Variants in JPH3 observed in about 807,000 individuals in gnomAD.
The protein encoded by JPH3 is junctophilin 3.
A neutral mutation model predicts 59.6 loss-of-function variants in JPH3; 11 were observed. The ratio of observed to expected loss-of-function variants is 0.18; its 90% confidence interval spans 0.12 to 0.31. The LOEUF is 0.31. JPH3 is among the 10% of genes least tolerant of loss of function. The pLI, the probability that JPH3 is intolerant of heterozygous loss-of-function variation, is 1.00. For missense variants in JPH3, 1,202 were observed against 1,105.7 expected (o/e 1.09, Z -1.24); for synonymous variants, 673 against 483.6 (o/e 1.39, Z -5.14).
intron 1 of JPH3, among the ~76,000 whole-genome samples, chr16:87,641,247 C>A (rs141696958): frequency 6.6e-6 from 1 of 152,298 alleles, no homozygotes; most frequent in Non-Finnish European, 1.5e-5. Flanking sequence ...TCTTGGCATC[C>A]TGTAGGAGAA....
chr16:87,659,386 AG>A (rs1318155576), intron 2 of JPH3, among the ~76,000 whole-genome samples: 27,566 of 114,306 alleles, frequency 0.24, 5,434 homozygotes, highest in South Asian at 0.43. Context: ...AAAAAAAAAA[AG>A]AAAAAAAAAA....
chr16:87,677,855 C>T (rs977731772), intron 2 of JPH3, among the ~76,000 whole-genome samples: 5 of 152,328 alleles, frequency 3.3e-5, no homozygotes, highest in African/African-American at 4.8e-5. Flanking sequence ...GAGGTAAAGC[C>T]GGAGGCCTGA....
intron 2 of JPH3, among the ~76,000 whole-genome samples, chr16:87,657,435 T>G (rs1387447733): frequency 6.6e-6 from 1 of 152,100 alleles, no homozygotes; most frequent in Non-Finnish European, 1.5e-5. Context: ...GGTGTAGGGT[T>G]TCTGTTGAGG....
chr16:87,668,868 C>T (rs936574678), intron 2 of JPH3, among the ~76,000 whole-genome samples: 1 of 152,154 alleles, frequency 6.6e-6, no homozygotes, highest in Non-Finnish European at 1.5e-5. Flanking sequence ...GACAGCCCTA[C>T]CCCCAGCTCC....
intron 2 of JPH3, among the ~76,000 whole-genome samples, chr16:87,649,597 C>T (rs979303569): frequency 2.6e-5 from 4 of 152,158 alleles, no homozygotes; most frequent in Non-Finnish European, 4.4e-5. Flanking sequence ...TCATTTTCAA[C>T]AGCTGAGACC....
At chr16:87,689,494 C>T (rs1033883911) in intron 3 of JPH3, 152 bp from the exon 4 acceptor site, 5 of 818,840 alleles carry the variant, frequency 6.1e-6, no homozygotes, top group African/African-American at 5.4e-5. Context: ...AGCCACGGTC[C>T]CCACTCCCCT....
intron 1 of JPH3, among the ~76,000 whole-genome samples, chr16:87,622,145 G>A (rs1021838122): frequency 1.3e-5 from 2 of 152,144 alleles, no homozygotes; most frequent in Admixed American, 6.5e-5. Flanking sequence ...AGAGCCAGCC[G>A]CATGCCACCC....
chr16:87,682,001 G>A (rs2033307999), intron 2 of JPH3, among the ~76,000 whole-genome samples: 1 of 152,112 alleles, frequency 6.6e-6, no homozygotes, highest in Non-Finnish European at 1.5e-5. Flanking sequence ...GGGGGGTCAT[G>A]CAGAAAACTT....
chr16:87,652,696 A>C (rs1225841238), intron 2 of JPH3, among the ~76,000 whole-genome samples: 1 of 152,198 alleles, frequency 6.6e-6, no homozygotes, highest in East Asian at 1.9e-4. Context: ...GGAGGTGGCC[A>C]CCTAGATGAT....
chr16:87,609,546 G>A (rs2030656627), intron 1 of JPH3, among the ~76,000 whole-genome samples: 1 of 152,214 alleles, frequency 6.6e-6, no homozygotes, highest in Non-Finnish European at 1.5e-5. Flanking sequence ...TTACAGGTGT[G>A]AGCCACTGTG....
At chr16:87,695,453 G>T (rs1373274704) in intron 4 of JPH3, 2 of 455,994 alleles carry the variant, frequency 4.4e-6, no homozygotes, top group African/African-American at 4.0e-5. Context: ...GAAGTGGAGG[G>T]CTCCGGGGGC....
chr16:87,644,373 C>T lies in JPH3; in HGVS notation c.498C>T (p.Ser166=), dbSNP rs919267305. 1.2e-6 allele frequency: 2 copies of T among 1,612,802 alleles called. No homozygotes were observed. Among genetic ancestry groups the T allele is most frequent in the South Asian group, 1.1e-5 (1 of 91,078 alleles). ...CACCCCTGAGGACGTCCATCAACTC[C>T]CTGCGCAGCGAGCACACCAACGGCA... The part of the protein sequence containing the change: ...IRSPLRTSIN[S]LRSEHTNGTA... Residue 166 remains serine (S), a synonymous_variant, in exon 2 of 5, where the codon TCC becomes TCT. Transcript: ENST00000284262.
intron 4 of JPH3, chr16:87,695,875 C>T (rs771087149): frequency 4.4e-6 from 2 of 455,932 alleles, no homozygotes; most frequent in Admixed American, 2.3e-5. Flanking sequence ...TCCGAGTGCC[C>T]AGGCTGTGCG....
chr16:87,645,136 C>G, intron 2 of JPH3, 101 bp downstream of exon 2: 1 of 1,228,550 alleles, frequency 8.1e-7, no homozygotes, highest in Non-Finnish European at 1.1e-6. Flanking sequence ...TGGGCTAGGC[C>G]CAGTTTGAGG....
intron 1 of JPH3, among the ~76,000 whole-genome samples, chr16:87,637,513 G>T (rs140270589): frequency 4.8e-4 from 73 of 152,232 alleles, no homozygotes; most frequent in African/African-American, 1.7e-3. Context: ...AGTGTGTCCT[G>T]TGTGCATGTC....
At position 87,695,726 on chromosome 16, in the gene JPH3, CT is replaced by C. The variant is rs1163777962; in HGVS notation, c.2167-853del. 3.1e-5 allele frequency: 13 copies of C among 419,364 alleles called. No homozygotes were observed. The East Asian group carries it at 8.9e-4, about 29-fold the overall frequency. The allele number at this position is 419,364 out of a possible 1,614,324, so 26.0% of individuals were successfully genotyped here. ...GCTTCCCAGAGGGGCCACGCTCCCT[CT>C]CCCCCTGCCTGGTGTGAGCAGAACA... On this transcript the variant is annotated intron_variant, in intron 4 of 4. Coordinates refer to ENST00000284262, the MANE Select transcript of JPH3 (RefSeq NM_020655.4).
chr16:87,661,563 G>A (rs1184242935), intron 2 of JPH3, among the ~76,000 whole-genome samples: 1 of 152,260 alleles, frequency 6.6e-6, no homozygotes, highest in Admixed American at 6.5e-5. Flanking sequence ...GACTGTCCAG[G>A]GAGGCTGGGG....
chr16:87,691,814 G>T (rs942130532), intron 4 of JPH3, among the ~76,000 whole-genome samples: 64 of 152,228 alleles, frequency 4.2e-4, no homozygotes, highest in Non-Finnish European at 4.4e-5. Context: ...CTTACAACTT[G>T]ATTTTCCCCA....
In JPH3 at chr16:87,644,504, A is replaced by T. The variant is rs777563148; in HGVS notation, c.629A>T (p.Lys210Met). The part of the protein sequence containing the change: ...AHSDSEILKS[K>M]KKGLFRRSLL... ...AGTGACTCCGAGATCCTCAAGAGCA[A>T]GAAGAAGGGGCTGTTTCGGCGCTCG... The change falls in exon 2 of 5, where the codon AAG becomes ATG. Residue 210 changes from lysine (K) to methionine (M), a missense_variant. Coordinates refer to ENST00000284262, the MANE Select transcript of JPH3 (RefSeq NM_020655.4). The T allele has an allele frequency of 6.2e-7, 1 of 1,612,824 alleles. No individual in the cohort carries two copies.
Sources: gnomAD v4.1 joint callset for allele counts (sites outside exome capture counted in the v4.1 genomes callset) on GRCh38, gnomAD v4.1.1 for gene constraint, MANE v1.5 for transcripts, NCBI Gene and HGNC (gene_info 2026-07-23, HGNC 2026-07-21) for gene names.